The following GPD2 variants were observed in gnomAD, a reference collection of about 807,000 sequenced individuals.
GPD2 encodes the protein glycerol-3-phosphate dehydrogenase 2.
GPD2 carries 54 observed loss-of-function variants against 82.4 expected under a neutral mutation model. The ratio of observed to expected loss-of-function variants is 0.66; its 90% CI spans 0.53 to 0.82. The LOEUF (loss-of-function observed/expected upper bound fraction) is 0.82. GPD2 is among the 40% of genes least tolerant of loss of function. The pLI is 0.00. For missense variants in GPD2, 748 were observed against 896.2 expected (o/e 0.83, Z 2.11); for synonymous variants, 288 against 306.1 (o/e 0.94, Z 0.62).
At chr2:156,448,909 A>G (rs185107927) in intron 1 of GPD2, among the ~76,000 whole-genome samples, 27 of 152,340 alleles carry the variant, frequency 1.8e-4, no homozygotes, top group African/African-American at 5.8e-4. Context: ...AGGAGTTAGC[A>G]GGATGTGCTC....
chr2:156,444,480 A>C (rs1172996636), intron 1 of GPD2, among the ~76,000 whole-genome samples: 1 of 152,132 alleles, frequency 6.6e-6, no homozygotes, highest in Non-Finnish European at 1.5e-5. Flanking sequence ...TGGGAGGCCG[A>C]GGCAGGTGGA....
At chr2:156,511,581 T>C (rs1684999237) in intron 4 of GPD2, among the ~76,000 whole-genome samples, 1 of 152,228 alleles carries the variant, frequency 6.6e-6, no homozygotes, top group Admixed American at 6.5e-5. Context: ...TGTCCCCTTA[T>C]ATTTCTCTTC....
chr2:156,433,373 G>T (rs1386183263), upstream of GPD2, among the ~76,000 whole-genome samples: 1 of 152,082 alleles, frequency 6.6e-6, no homozygotes, highest in African/African-American at 2.4e-5. Context: ...TGCACTTGAC[G>T]GATCAGCTGG....
chr2:156,467,779 T>G (rs1277292653), intron 1 of GPD2, among the ~76,000 whole-genome samples: 1 of 152,210 alleles, frequency 6.6e-6, no homozygotes, highest in Non-Finnish European at 1.5e-5. Context: ...ACCTCCTCTC[T>G]GTTTCCAGAG....
At chr2:156,410,484 T>C in the GPD2 span, among the ~76,000 whole-genome samples, 2 of 152,230 alleles carry the variant, frequency 1.3e-5, no homozygotes, top group African/African-American at 2.4e-5. Context: ...ACATAATATA[T>C]TTACTAGTCA....
chr2:156,520,821 G>A (rs1685378804), intron 6 of GPD2, among the ~76,000 whole-genome samples: 1 of 152,046 alleles, frequency 6.6e-6, no homozygotes, highest in Non-Finnish European at 1.5e-5. Context: ...CCTGAGCTCT[G>A]GCAGTCCGCC....
chr2:156,494,571 G>A (rs1287500631), intron 2 of GPD2, among the ~76,000 whole-genome samples: 1 of 152,142 alleles, frequency 6.6e-6, no homozygotes, highest in Non-Finnish European at 1.5e-5. Flanking sequence ...GGGTAAGTGG[G>A]TTTCCTTTAT....
At chr2:156,405,323 C>A in the GPD2 span, among the ~76,000 whole-genome samples, 1 of 152,134 alleles carries the variant, frequency 6.6e-6, no homozygotes, top group Admixed American at 6.5e-5. Flanking sequence ...GAAGAGGTGC[C>A]TGCTAGGTGG....
At chr2:156,466,660 G>A (rs550806634) in intron 1 of GPD2, among the ~76,000 whole-genome samples, 1 of 152,132 alleles carries the variant, frequency 6.6e-6, no homozygotes, top group Admixed American at 6.5e-5. Context: ...TTGTTTTAGA[G>A]GACTTTGTGA....
At chr2:156,522,159 G>A (rs1377265973) in intron 6 of GPD2, among the ~76,000 whole-genome samples, 1 of 152,060 alleles carries the variant, frequency 6.6e-6, no homozygotes, top group Non-Finnish European at 1.5e-5. Context: ...GCTTCCTGAT[G>A]ATGAGATAGA....
chr2:156,582,387 G>T (rs542612663), intron 16 of GPD2, among the ~76,000 whole-genome samples: 210 of 151,646 alleles, frequency 1.4e-3, no homozygotes, highest in African/African-American at 5.0e-3. Flanking sequence ...TTAAAAAAAA[G>T]GGTAGACAAA....
intron 3 of GPD2, among the ~76,000 whole-genome samples, chr2:156,505,323 C>T (rs149485341): frequency 2.0e-5 from 3 of 152,176 alleles, no homozygotes; most frequent in African/African-American, 7.2e-5. Context: ...TCTAACTAAT[C>T]TTGTTATTCT....
At chr2:156,560,174 G>A (rs1687115774) in intron 9 of GPD2, among the ~76,000 whole-genome samples, 1 of 152,186 alleles carries the variant, frequency 6.6e-6, no homozygotes, top group Non-Finnish European at 1.5e-5. Context: ...AGCAGGTGTG[G>A]GTTCCAGAAG....
At chr2:156,521,931 A>T (rs541039640) in intron 6 of GPD2, among the ~76,000 whole-genome samples, 1 of 152,354 alleles carries the variant, frequency 6.6e-6, no homozygotes, top group South Asian at 2.1e-4. Context: ...TGAGTTACAT[A>T]AATGAAACTG....
chr2:156,489,644 G>T (rs1684074839), intron 2 of GPD2, among the ~76,000 whole-genome samples: 1 of 152,102 alleles, frequency 6.6e-6, no homozygotes, highest in South Asian at 2.1e-4. Flanking sequence ...ATAAATGATG[G>T]TGGGCCCAGG....
At chr2:156,409,273 A>T in the GPD2 span, among the ~76,000 whole-genome samples, 1 of 152,242 alleles carries the variant, frequency 6.6e-6, no homozygotes, top group African/African-American at 2.4e-5. Context: ...GTAACTCAGC[A>T]GTTAGGATAC....
At chr2:156,559,126 A>G (rs548351802) in intron 9 of GPD2, among the ~76,000 whole-genome samples, 2 of 152,120 alleles carry the variant, frequency 1.3e-5, no homozygotes, top group South Asian at 2.1e-4. Context: ...CAAAATTTTT[A>G]TACTGGAGAA....
chr2:156,474,529 C>T (rs1003197551), intron 1 of GPD2, among the ~76,000 whole-genome samples: 6 of 152,200 alleles, frequency 3.9e-5, no homozygotes, highest in African/African-American at 1.4e-4. Context: ...TAGTGGCTTC[C>T]CTGTTTCCCT....
intron 13 of GPD2, among the ~76,000 whole-genome samples, chr2:156,573,454 T>C (rs1687709771): frequency 6.6e-6 from 1 of 152,190 alleles, no homozygotes; most frequent in Admixed American, 6.6e-5. Flanking sequence ...ACTCCTGTGC[T>C]TCTGTCAGTC....
Sources: allele counts gnomAD v4.1 joint callset (sites outside exome capture counted in the v4.1 genomes callset), GRCh38; gene constraint gnomAD v4.1.1; transcripts MANE v1.5; gene names NCBI Gene and HGNC (gene_info 2026-07-23, HGNC 2026-07-21).